PWWP2B: variants seen among roughly 807,000 people sequenced by gnomAD.
PWWP2B encodes PWWP domain containing 2B.
A neutral mutation model predicts 15.5 loss-of-function variants in PWWP2B; 9 were observed. The ratio of observed to expected loss-of-function variants is 0.58; its 90% CI spans 0.35 to 1.02. The LOEUF (loss-of-function observed/expected upper bound fraction) is 1.02, where lower values mean the gene tolerates loss of function less well. Among genes scored for constraint, PWWP2B ranks in the 50% least tolerant of loss-of-function variants. PWWP2B has a pLI of 0.02. For synonymous variants in PWWP2B, 474 were observed against 403.6 expected (o/e 1.17, Z -2.09); for missense variants, 864 against 865.3 (o/e 1.00, Z 0.02).
intron 1 of PWWP2B, among the ~76,000 whole-genome samples, chr10:132,403,184 C>T (rs552824103): frequency 2.6e-5 from 4 of 152,190 alleles, no homozygotes; most frequent in Admixed American, 6.5e-5. Flanking sequence ...GAGAATGGGG[C>T]GGGTGGCGCT....
In PWWP2B at chr10:132,397,360, G is replaced by A. The variant is rs766600633; in HGVS notation, c.125+9G>A. 9.4e-5 allele frequency: 125 copies of A among 1,325,922 alleles called. No individual in the cohort carries two copies. The highest frequency in any genetic ancestry group is 1.2e-4 in the Non-Finnish European group (125 of 1,029,970). The allele number at this position is 1,325,922 out of a possible 1,614,324, so 82.1% of individuals were successfully genotyped here. ...CTGGACTGCACGAAAAAGTGAGCGGGGGCGCGGGCCGGGACACCCCCGGGG... is the reference window on the plus strand; with the variant it reads ...CTGGACTGCACGAAAAAGTGAGCGGAGGCGCGGGCCGGGACACCCCCGGGG... On this transcript the variant is annotated intron_variant, in intron 1 of 2. Transcript: ENST00000305233.
At chr10:132,398,242 C>T (rs142474393) in intron 1 of PWWP2B, among the ~76,000 whole-genome samples, 2 of 152,370 alleles carry the variant, frequency 1.3e-5, no homozygotes, top group Non-Finnish European at 2.9e-5. Context: ...CAGAGAGGAC[C>T]GTGTTCCTTC....
At chr10:132,413,433 G>T (rs1170076790) in intron 2 of PWWP2B, among the ~76,000 whole-genome samples, 1 of 152,196 alleles carries the variant, frequency 6.6e-6, no homozygotes, top group African/African-American at 2.4e-5. Flanking sequence ...AGCTCGCCCT[G>T]CCCGTCTTTT....
chr10:132,399,516 G>C (rs1456676188), intron 1 of PWWP2B, among the ~76,000 whole-genome samples: 1 of 152,294 alleles, frequency 6.6e-6, no homozygotes. Flanking sequence ...AGAGGGGAGA[G>C]GGGCTTGGCA....
At chr10:132,410,778 G>A (rs1196217707) in intron 2 of PWWP2B, among the ~76,000 whole-genome samples, 2 of 152,190 alleles carry the variant, frequency 1.3e-5, no homozygotes, top group African/African-American at 4.8e-5. Context: ...CGTGCGGACT[G>A]GAAGCTGGGC....
At chr10:132,402,704 T>G (rs1373404388) in intron 1 of PWWP2B, among the ~76,000 whole-genome samples, 1 of 152,058 alleles carries the variant, frequency 6.6e-6, no homozygotes, top group Non-Finnish European at 1.5e-5. Flanking sequence ...GACATCAGCC[T>G]GCAACCCTGG....
At chr10:132,403,335 C>T (rs1453352956) in intron 1 of PWWP2B, among the ~76,000 whole-genome samples, 4 of 152,258 alleles carry the variant, frequency 2.6e-5, no homozygotes, top group East Asian at 1.9e-4. Context: ...CTCCATCTCC[C>T]TCTCTTTTTT....
chr10:132,407,451 T>A (rs933492729), intron 2 of PWWP2B, among the ~76,000 whole-genome samples: 1 of 152,178 alleles, frequency 6.6e-6, no homozygotes, highest in South Asian at 2.1e-4. Context: ...GCCTTAGAGT[T>A]TCCCAGGTGA....
chr10:132,416,007 C>T (rs192317909), intron 2 of PWWP2B, among the ~76,000 whole-genome samples: 4 of 152,380 alleles, frequency 2.6e-5, no homozygotes, highest in African/African-American at 9.6e-5. Flanking sequence ...GCCCTCCAGG[C>T]CTCCCCGCGT....
At chr10:132,415,077 G>A (rs994660258) in intron 2 of PWWP2B, among the ~76,000 whole-genome samples, 12 of 152,198 alleles carry the variant, frequency 7.9e-5, no homozygotes, top group Non-Finnish European at 1.6e-4. Context: ...ATTCACCTTC[G>A]TATTTCTAGA....
intron 1 of PWWP2B, among the ~76,000 whole-genome samples, chr10:132,403,460 C>T (rs61865561): frequency 0.062 from 9,471 of 152,284 alleles, 411 homozygotes; most frequent in African/African-American, 0.12. Context: ...GTGGTAACAT[C>T]AGCGTTCGCA....
In PWWP2B at chr10:132,405,399, A is replaced by T. The variant is rs775706493; in HGVS notation, c.899A>T (p.Glu300Val). The change falls in exon 2 of 3, where the codon GAG becomes GTG. Residue 300 changes from glutamate to valine, a missense_variant. Coordinates refer to ENST00000305233, the MANE Select transcript of PWWP2B (RefSeq NM_138499.4). ...GSQDPEVLDR[E>V]SRDRPSCAPS... ...CAGGACCCCGAGGTGCTGGACAGAGAGTCCCGGGACCGGCCGTCCTGCGCG... is the reference window on the plus strand; with the variant it reads ...CAGGACCCCGAGGTGCTGGACAGAGTGTCCCGGGACCGGCCGTCCTGCGCG... 77 of 1,611,048 alleles carry T rather than the reference A, an allele frequency of 4.8e-5. No individual in the cohort carries two copies. The highest frequency in any genetic ancestry group is 6.4e-5 in the Non-Finnish European group (75 of 1,179,218).
intron 2 of PWWP2B, among the ~76,000 whole-genome samples, chr10:132,415,582 C>A (rs541604454): frequency 6.7e-6 from 1 of 150,324 alleles, no homozygotes; most frequent in South Asian, 2.1e-4. Flanking sequence ...CACACATCCA[C>A]TCACACACAC....
chr10:132,410,719 C>G (rs1030321237), intron 2 of PWWP2B, among the ~76,000 whole-genome samples: 1 of 152,198 alleles, frequency 6.6e-6, no homozygotes, highest in Non-Finnish European at 1.5e-5. Flanking sequence ...CCTGCACAGG[C>G]ACCTCCTGTG....
At chr10:132,399,507 G>T (rs999145081) in intron 1 of PWWP2B, among the ~76,000 whole-genome samples, 2 of 152,290 alleles carry the variant, frequency 1.3e-5, no homozygotes, top group African/African-American at 4.8e-5. Flanking sequence ...TTGCAAAGCA[G>T]AGGGGAGAGG....
chr10:132,397,324 C>T lies in PWWP2B; in HGVS notation c.98C>T (p.Ala33Val). The change falls in exon 1 of 3, where the codon GCG becomes GTG. Residue 33 changes from alanine to valine, a missense_variant. Transcript: ENST00000305233. ...GTGAGCTGCGGCGAGCGGAGCTTCG[C>T]GGGGATCCTGCTGGACTGCACGAAA... is the stretch of plus-strand genomic sequence containing the variant. ...VTVSCGERSF[A>V]GILLDCTKKS... 3.5e-6 allele frequency: 5 copies of T among 1,431,344 alleles called. No individual in the cohort carries two copies. The highest frequency in any genetic ancestry group is 4.6e-6 in the Non-Finnish European group (5 of 1,082,160). 88.7% of individuals were successfully genotyped at this position (1,431,344 alleles called of 1,614,324 possible).
chr10:132,403,992 T>TTCTCCAGGGCTCCTGC lies in PWWP2B; in HGVS notation c.126-634_126-633insTCTCCAGGGCTCCTGC, dbSNP rs2069645807. ...TCATGCACCTGGAACCCTGCTCCCG[T>TTCTCCAGGGCTCCTGC]AGGACGGCATTCTCCAGGGCTCCTG... is the stretch of plus-strand genomic sequence containing the variant. On this transcript the variant is annotated intron_variant, in intron 1 of 2. Coordinates refer to ENST00000305233, the MANE Select transcript of PWWP2B (RefSeq NM_138499.4). 3.6e-5 allele frequency among the ~76,000 whole-genome samples: 4 copies of TTCTCCAGGGCTCCTGC among 110,760 alleles called. No homozygotes were observed. The Admixed American group carries it at 3.6e-4, about 10-fold the overall frequency. The allele number at this position is 110,760 out of a possible 152,430, so 72.7% of individuals were successfully genotyped here. A position where few individuals can be genotyped will look rare whatever the true frequency, so the allele number is the denominator to read the frequency against.
intron 2 of PWWP2B, among the ~76,000 whole-genome samples, chr10:132,416,427 G>A (rs184525661): frequency 2.0e-4 from 31 of 152,328 alleles, no homozygotes; most frequent in Non-Finnish European, 4.1e-4. Context: ...TGGGTTGCGG[G>A]GCTGACGGGA....
At chr10:132,404,247 C>T (rs1249620201) in intron 1 of PWWP2B, among the ~76,000 whole-genome samples, 1 of 152,110 alleles carries the variant, frequency 6.6e-6, no homozygotes, top group Non-Finnish European at 1.5e-5. Flanking sequence ...GGCCATGGGT[C>T]ACAAGCAGCC....
Sources: allele counts gnomAD v4.1 joint callset (sites outside exome capture counted in the v4.1 genomes callset), GRCh38; gene constraint gnomAD v4.1.1; transcripts MANE v1.5; gene names NCBI Gene and HGNC (gene_info 2026-07-23, HGNC 2026-07-21).